UBE2K: variants seen among roughly 807,000 people sequenced by gnomAD.
The protein encoded by UBE2K is ubiquitin-conjugating enzyme E2 K.
A neutral mutation model predicts 30.0 loss-of-function variants in UBE2K; 6 were observed. The ratio of observed to expected loss-of-function variants is 0.20; its 90% CI spans 0.11 to 0.39. The LOEUF (loss-of-function observed/expected upper bound fraction) is 0.39. Among genes scored for constraint, UBE2K ranks in the 10% least tolerant of loss-of-function variants. UBE2K has a pLI of 1.00. For missense variants in UBE2K, 61 were observed against 241.6 expected (o/e 0.25, Z 4.96); for synonymous variants, 86 against 83.7 (o/e 1.03, Z -0.15).
At chr4:39,730,077 T>C (rs1719986704) in intron 1 of UBE2K, among the ~76,000 whole-genome samples, 1 of 152,254 alleles carries the variant, frequency 6.6e-6, no homozygotes, top group Non-Finnish European at 1.5e-5. Flanking sequence ...ATATCTGTTA[T>C]AATGCCTTGC....
At chr4:39,735,904 T>G (rs1720351927) in intron 1 of UBE2K, among the ~76,000 whole-genome samples, 1 of 152,170 alleles carries the variant, frequency 6.6e-6, no homozygotes, top group African/African-American at 2.4e-5. Flanking sequence ...CAGGATTAAT[T>G]TGGAGTGATG....
chr4:39,782,201 T>A lies in UBE2K; in HGVS notation c.*3767T>A, dbSNP rs1256602246. 1 of 374,494 alleles carries A rather than the reference T, an allele frequency of 2.7e-6. No individual in the cohort carries two copies. Among genetic ancestry groups the A allele is most frequent in the Non-Finnish European group, 4.7e-6 (1 of 210,814 alleles). 23.2% of individuals were successfully genotyped at this position (374,494 alleles called of 1,614,324 possible). ...AACCATGCTGCTATATATAATCAGG[T>A]GTGGCACAGTTTGTCAGTTTGATTA... is the stretch of plus-strand genomic sequence containing the variant. On this transcript the variant is annotated 3_prime_UTR_variant, in exon 7 of 7. Coordinates refer to ENST00000261427, the MANE Select transcript of UBE2K (RefSeq NM_005339.5).
intron 3 of UBE2K, among the ~76,000 whole-genome samples, chr4:39,753,978 C>T (rs1172938855): frequency 2.0e-5 from 3 of 152,046 alleles, no homozygotes; most frequent in Admixed American, 6.6e-5. Context: ...TCCAAGATCG[C>T]GCCACTGCAC....
At chr4:39,728,883 G>GGTCT (rs1431444640) in intron 1 of UBE2K, among the ~76,000 whole-genome samples, 2 of 147,626 alleles carry the variant, frequency 1.4e-5, no homozygotes, top group Admixed American at 1.4e-4. Context: ...TAGCCAGGAT[G>GGTCT]GTCTCCATCT....
intron 1 of UBE2K, among the ~76,000 whole-genome samples, chr4:39,717,238 CTTTT>C (rs879798081): frequency 2.8e-5 from 4 of 145,034 alleles, no homozygotes; most frequent in South Asian, 4.3e-4. Flanking sequence ...TCTTTTCTTT[CTTTT>C]TTTTTTTTTA....
At chr4:39,726,425 T>C in intron 1 of UBE2K, among the ~76,000 whole-genome samples, 1 of 152,200 alleles carries the variant, frequency 6.6e-6, no homozygotes, top group East Asian at 1.9e-4. Flanking sequence ...CTCACTTTGC[T>C]GCCCAGGCTG....
intron 4 of UBE2K, among the ~76,000 whole-genome samples, chr4:39,767,574 C>T (rs760711733): frequency 1.8e-4 from 28 of 152,064 alleles, no homozygotes; most frequent in Non-Finnish European, 3.7e-4. Flanking sequence ...TCACCCACCT[C>T]GGCCTCCCAA....
At chr4:39,771,518 G>C in intron 4 of UBE2K, 1 of 1,402,334 alleles carries the variant, frequency 7.1e-7, no homozygotes, top group Non-Finnish European at 9.4e-7. Flanking sequence ...CCGCGGGGCC[G>C]GAAGCGCCCC....
chr4:39,713,559 G>A (rs1718837677), intron 1 of UBE2K, among the ~76,000 whole-genome samples: 1 of 147,400 alleles, frequency 6.8e-6, no homozygotes, highest in Non-Finnish European at 1.5e-5. Flanking sequence ...TTTTTTTTAA[G>A]TTGTAGTAAA....
At chr4:39,765,431 G>A (rs1161278541) in intron 4 of UBE2K, among the ~76,000 whole-genome samples, 1 of 152,176 alleles carries the variant, frequency 6.6e-6, no homozygotes, top group East Asian at 1.9e-4. Context: ...GGCTGAGGTT[G>A]GAGGATCGCT....
chr4:39,751,481 T>C (rs1332393893), intron 3 of UBE2K, among the ~76,000 whole-genome samples: 1 of 151,986 alleles, frequency 6.6e-6, no homozygotes, highest in Non-Finnish European at 1.5e-5. Context: ...GAGAAAAGCC[T>C]AAGCAACATG....
intron 4 of UBE2K, among the ~76,000 whole-genome samples, chr4:39,761,611 A>G (rs1019029222): frequency 6.6e-6 from 1 of 152,200 alleles, no homozygotes; most frequent in Non-Finnish European, 1.5e-5. Context: ...AAAGATTGAC[A>G]CATTTTGAAA....
In UBE2K at chr4:39,770,459, C is replaced by T. The variant is rs546215386; in HGVS notation, c.300-4375C>T. 13 of 1,611,614 alleles carry T rather than the reference C, an allele frequency of 8.1e-6. No individual in the cohort carries two copies. The African/African-American group carries it at 1.7e-4, about 21-fold the overall frequency. On this transcript the variant is annotated intron_variant, in intron 4 of 6. Coordinates refer to ENST00000261427, the MANE Select transcript of UBE2K (RefSeq NM_005339.5). The stretch of plus-strand genomic sequence containing the variant: ...GGAACACTTCCGGGCACTTGGTGCA[C>T]TTGATGTTCTTTAAGGGGTTTCCAC...
intron 4 of UBE2K, among the ~76,000 whole-genome samples, chr4:39,760,044 G>A (rs1426655575): frequency 2.0e-5 from 3 of 151,706 alleles, no homozygotes; most frequent in Non-Finnish European, 2.9e-5. Flanking sequence ...GGCGTGGGTG[G>A]TGGGCACCTG....
chr4:39,774,103 C>T (rs1018215538), intron 4 of UBE2K, among the ~76,000 whole-genome samples: 8 of 151,776 alleles, frequency 5.3e-5, no homozygotes, highest in Non-Finnish European at 1.0e-4. Flanking sequence ...TCGATACCAG[C>T]CTAGGCAACA....
chr4:39,743,759 A>G (rs1720832598), intron 2 of UBE2K, among the ~76,000 whole-genome samples: 1 of 152,196 alleles, frequency 6.6e-6, no homozygotes, highest in African/African-American at 2.4e-5. Flanking sequence ...TTTATTTACT[A>G]TATTTTGTAA....
intron 3 of UBE2K, among the ~76,000 whole-genome samples, chr4:39,750,058 G>A (rs1182304192): frequency 6.6e-6 from 1 of 152,144 alleles, no homozygotes; most frequent in East Asian, 1.9e-4. Flanking sequence ...GCCAGGTGTA[G>A]TGGCACGTGC....
intron 1 of UBE2K, among the ~76,000 whole-genome samples, chr4:39,716,194 A>C (rs895206104): frequency 3.3e-5 from 5 of 152,018 alleles, no homozygotes; most frequent in Admixed American, 3.3e-4. Context: ...TCTCTTTTTT[A>C]TTCCTTTTGT....
At chr4:39,719,827 G>A (rs1719322226) in intron 1 of UBE2K, among the ~76,000 whole-genome samples, 2 of 152,178 alleles carry the variant, frequency 1.3e-5, no homozygotes, top group South Asian at 4.1e-4. Flanking sequence ...CACAGTTTTT[G>A]CCTCCTATTA....
Sources: allele counts gnomAD v4.1 joint callset (sites outside exome capture counted in the v4.1 genomes callset), GRCh38; gene constraint gnomAD v4.1.1; transcripts MANE v1.5; gene names NCBI Gene and HGNC (gene_info 2026-07-23, HGNC 2026-07-21).